The following SCHIP1 variants were observed in gnomAD, a reference collection of about 807,000 sequenced individuals.
SCHIP1 encodes schwannomin-interacting protein 1.
Under a neutral mutation model 29.7 loss-of-function variants are expected in SCHIP1, and 8 were observed. That is an observed-to-expected ratio of 0.27 (90% CI 0.16 to 0.49). SCHIP1 has a LOEUF of 0.49. SCHIP1 is among the 20% of genes least tolerant of loss of function. The pLI is 0.99. For synonymous variants in SCHIP1, 76 were observed against 94.9 expected, an observed-to-expected ratio of 0.80 and a Z score of 1.16; for missense variants, 193 against 294.6, an observed-to-expected ratio of 0.66 and a Z score of 2.52.
the SCHIP1 span, among the ~76,000 whole-genome samples, chr3:159,597,207 CTAATTA>C: frequency 6.6e-6 from 1 of 151,934 alleles, no homozygotes; most frequent in East Asian, 1.9e-4. Flanking sequence ...AAACTATAAA[CTAATTA>C]TATAGATATT....
chr3:159,840,047 C>G, exon 1 of SCHIP1: 1 of 1,483,014 alleles, frequency 6.7e-7, no homozygotes. Flanking sequence ...ATCAGCGAAA[C>G]AGCATCCATT....
the SCHIP1 span, among the ~76,000 whole-genome samples, chr3:159,639,637 G>A: frequency 6.6e-6 from 1 of 152,006 alleles, no homozygotes; most frequent in African/African-American, 2.4e-5. Flanking sequence ...CTTTAACATC[G>A]GTGTATAAAC....
the SCHIP1 span, among the ~76,000 whole-genome samples, chr3:159,558,843 C>T: frequency 6.6e-6 from 1 of 151,998 alleles, no homozygotes; most frequent in Non-Finnish European, 1.5e-5. Flanking sequence ...CATTGTAATC[C>T]CATTAAGAGC....
chr3:159,749,695 AG>A, the SCHIP1 span, among the ~76,000 whole-genome samples: 1 of 152,256 alleles, frequency 6.6e-6, no homozygotes, highest in Non-Finnish European at 1.5e-5. Flanking sequence ...GAGGCTCCGC[AG>A]CTTGCACATA....
At chr3:159,332,767 T>G in the SCHIP1 span, among the ~76,000 whole-genome samples, 3 of 152,098 alleles carry the variant, frequency 2.0e-5, no homozygotes, top group Non-Finnish European at 2.9e-5. Flanking sequence ...ATGAGGGCCT[T>G]GGGGGTGGGC....
chr3:159,566,460 T>A, the SCHIP1 span, among the ~76,000 whole-genome samples: 1 of 152,148 alleles, frequency 6.6e-6, no homozygotes, highest in Non-Finnish European at 1.5e-5. Context: ...TCTACATAAA[T>A]CTACATACAT....
chr3:159,472,291 T>C, the SCHIP1 span, among the ~76,000 whole-genome samples: 1 of 152,194 alleles, frequency 6.6e-6, no homozygotes, highest in African/African-American at 2.4e-5. Context: ...CAACAGTAAA[T>C]GCTCATACAG....
chr3:159,469,905 T>C, the SCHIP1 span, among the ~76,000 whole-genome samples: 1 of 152,142 alleles, frequency 6.6e-6, no homozygotes, highest in African/African-American at 2.4e-5. Flanking sequence ...AAATGTTAAA[T>C]ACTAGCCATG....
At chr3:159,273,880 CAGTGTA>C in the SCHIP1 span, 1 of 1,613,336 alleles carries the variant, frequency 6.2e-7, no homozygotes, top group African/African-American at 1.3e-5. Flanking sequence ...AGCACTCTGA[CAGTGTA>C]AGTTTTACAA....
chr3:159,410,687 T>C, the SCHIP1 span, among the ~76,000 whole-genome samples: 1 of 152,124 alleles, frequency 6.6e-6, no homozygotes, highest in Admixed American at 6.5e-5. Context: ...AAATGTAAGT[T>C]AGTGCAACCA....
chr3:159,753,600 T>C, the SCHIP1 span, among the ~76,000 whole-genome samples: 1 of 152,212 alleles, frequency 6.6e-6, no homozygotes, highest in East Asian at 1.9e-4. Flanking sequence ...ATCATCTCCT[T>C]CCTGGACTGC....
the SCHIP1 span, among the ~76,000 whole-genome samples, chr3:159,438,879 CCTGT>C: frequency 6.6e-6 from 1 of 152,262 alleles, no homozygotes; most frequent in South Asian, 2.1e-4. Flanking sequence ...TTTTCTCTAT[CCTGT>C]CTATCACTGA....
At chr3:159,343,446 C>T in the SCHIP1 span, among the ~76,000 whole-genome samples, 2 of 152,234 alleles carry the variant, frequency 1.3e-5, no homozygotes, top group African/African-American at 4.8e-5. Flanking sequence ...TTTCAAGTTG[C>T]TGGTCAGCTG....
chr3:159,838,867 C>T (rs368396186), upstream of SCHIP1, among the ~76,000 whole-genome samples: 1 of 148,030 alleles, frequency 6.8e-6, no homozygotes, highest in Non-Finnish European at 1.5e-5. Flanking sequence ...CGCCACTGCA[C>T]TCCAGCCTGG....
At chr3:159,608,712 G>A in the SCHIP1 span, among the ~76,000 whole-genome samples, 1 of 152,294 alleles carries the variant, frequency 6.6e-6, no homozygotes, top group South Asian at 2.1e-4. Flanking sequence ...CTGCTTTTAG[G>A]ACCTGAATGA....
the SCHIP1 span, among the ~76,000 whole-genome samples, chr3:159,622,950 G>T: frequency 1.1e-4 from 17 of 152,092 alleles, no homozygotes; most frequent in African/African-American, 3.9e-4. Context: ...TTACATGGAG[G>T]AAACATATGT....
chr3:159,800,326 A>T, the SCHIP1 span, among the ~76,000 whole-genome samples: 1 of 152,170 alleles, frequency 6.6e-6, no homozygotes, highest in African/African-American at 2.4e-5. Flanking sequence ...ATGCGCAGAG[A>T]TCTCTGGGGA....
chr3:159,578,780 T>C, the SCHIP1 span, among the ~76,000 whole-genome samples: 2 of 152,160 alleles, frequency 1.3e-5, no homozygotes, highest in Non-Finnish European at 2.9e-5. Context: ...ACTTCTATTA[T>C]AGTATCTCCT....
the SCHIP1 span, among the ~76,000 whole-genome samples, chr3:159,594,096 C>T: frequency 6.6e-6 from 1 of 151,732 alleles, no homozygotes. Flanking sequence ...TGACACATTT[C>T]CAGAAGGCAA....
Sources: gnomAD v4.1 joint callset for allele counts (sites outside exome capture counted in the v4.1 genomes callset) on GRCh38, gnomAD v4.1.1 for gene constraint, MANE v1.5 for transcripts, NCBI Gene and HGNC (gene_info 2026-07-23, HGNC 2026-07-21) for gene names.